Variants in ATM observed in about 807,000 individuals in gnomAD.
ATM encodes serine-protein kinase ATM.
ATM carries 308 observed loss-of-function variants against 387.0 expected under a neutral mutation model. The observed-to-expected ratio is 0.80, with a 90% CI of 0.73 to 0.87. The LOEUF is 0.87. Among genes scored for constraint, ATM ranks in the 40% least tolerant of loss-of-function variants. The pLI is 0.00. For missense variants in ATM, 3,312 were observed against 3,560.9 expected (o/e 0.93, Z 1.78); for synonymous variants, 1,156 against 1,187.3 (o/e 0.97, Z 0.54).
rs876659217 is a variant in ATM at position 108,272,606 on chromosome 11, A to C, written c.3152A>C (p.Glu1051Ala). The change falls in exon 21 of 63, where the codon GAG becomes GCG. Residue 1051 changes from glutamate (E) to alanine (A), a missense_variant and splice_region_variant. Physicochemically the swap from Glu to Ala is moderately radical, Grantham distance 107 (BLOSUM62 -1). Transcript: ENST00000675843. Reference sequence around the variant, plus strand: ...GTAAATTGCCTTAAAACTTTGCTTGAGGTGAGTTTTTGCATTTTTTTAGTA... The same window carrying C: ...GTAAATTGCCTTAAAACTTTGCTTGCGGTGAGTTTTTGCATTTTTTTAGTA... ...ALVNCLKTLL[E>A]ADPYSKWAIL... is the part of the protein sequence containing the mutation. The C allele has an allele frequency of 6.2e-7, 1 of 1,613,652 alleles. No homozygotes were observed. Among genetic ancestry groups the C allele is most frequent in the Non-Finnish European group, 8.5e-7 (1 of 1,179,668 alleles).
In ATM at chr11:108,272,512, GA is replaced by G; in HGVS notation, c.3078-16del. The G allele has an allele frequency of 1.3e-6, 2 of 1,590,958 alleles. No individual in the cohort carries two copies. The highest frequency in any genetic ancestry group is 1.7e-6 in the Non-Finnish European group (2 of 1,159,200). Reference sequence around the variant, plus strand: ...TTATCAGAATGATTATTTAACTTTGGAAAACTTACTTGATTTCAGGCATCTA... The same window carrying G: ...TTATCAGAATGATTATTTAACTTTGGAAACTTACTTGATTTCAGGCATCTA... On this transcript the variant is annotated intron_variant, in intron 20 of 62. Transcript: ENST00000675843.
intron 5 of ATM, among the ~76,000 whole-genome samples, chr11:108,242,591 G>A (rs563782112): frequency 6.6e-5 from 10 of 152,272 alleles, no homozygotes; most frequent in African/African-American, 2.4e-4. Context: ...TGGGCACAGT[G>A]GCTTACACCT....
intron 24 of ATM, among the ~76,000 whole-genome samples, chr11:108,281,631 A>G (rs2082237428): frequency 6.6e-6 from 1 of 152,178 alleles, no homozygotes; most frequent in South Asian, 2.1e-4. Flanking sequence ...CTACATCAGC[A>G]CAGTATTATA....
intron 11 of ATM, 105 bp downstream of exon 11, chr11:108,252,136 A>C: frequency 1.0e-6 from 1 of 997,654 alleles, no homozygotes; most frequent in Non-Finnish European, 1.5e-6. Context: ...ATAATGCAGA[A>C]TTTCCCAGAT....
At chr11:108,333,000 A>G in intron 53 of ATM, 100 bp downstream of exon 53, 1 of 1,429,820 alleles carries the variant, frequency 7.0e-7, no homozygotes, top group Non-Finnish European at 9.6e-7. Context: ...GCTTAAAATC[A>G]CAAACGTAAT....
intron 47 of ATM, among the ~76,000 whole-genome samples, chr11:108,327,127 C>A (rs2085759570): frequency 6.6e-6 from 1 of 152,180 alleles, no homozygotes; most frequent in Non-Finnish European, 1.5e-5. Flanking sequence ...CACGCCCGGC[C>A]TTTACTGTAC....
At chr11:108,283,686 A>G (rs2082343380) in intron 25 of ATM, among the ~76,000 whole-genome samples, 1 of 152,216 alleles carries the variant, frequency 6.6e-6, no homozygotes, top group African/African-American at 2.4e-5. Context: ...GATTCATTCC[A>G]GGATCCCCCA....
intron 7 of ATM, among the ~76,000 whole-genome samples, chr11:108,245,439 A>T (rs1218757076): frequency 1.3e-5 from 2 of 152,326 alleles, no homozygotes; most frequent in Non-Finnish European, 2.9e-5. Flanking sequence ...CAGTCAGATT[A>T]TTCAGCTCCT....
chr11:108,368,719 G>A lies in ATM; in HGVS notation c.*3211G>A, dbSNP rs2091455896. ...CTTGAACAGTTGTGTCCAGATTAAG[G>A]GAGATAATAGCTTTCCCACCCTACT... On this transcript the variant is annotated 3_prime_UTR_variant, in exon 63 of 63. Coordinates refer to ENST00000675843, the MANE Select transcript of ATM (RefSeq NM_000051.4). 4.7e-6 allele frequency: 1 copy of A among 214,894 alleles called. No individual in the cohort carries two copies. The highest frequency in any genetic ancestry group is 9.4e-6 in the Non-Finnish European group (1 of 106,610). The allele number at this position is 214,894 out of a possible 1,614,324, so 13.3% of individuals were successfully genotyped here. A position where few individuals can be genotyped will look rare whatever the true frequency, so the allele number is the denominator to read the frequency against.
chr11:108,229,378 GTT>G (rs11390378), intron 4 of ATM, 55 bp downstream of exon 4: 96 of 1,269,732 alleles, frequency 7.6e-5, no homozygotes, highest in Non-Finnish European at 8.6e-5. Flanking sequence ...TGTCGCGTGA[GTT>G]TTTTTTTTTT....
intron 38 of ATM, chr11:108,308,882 G>T: frequency 1.4e-6 from 1 of 713,492 alleles, no homozygotes; most frequent in Non-Finnish European, 2.4e-6. Context: ...ATCTTCTGAG[G>T]AGGCCTATCA....
rs786203697 is a variant in ATM at position 108,329,088 on chromosome 11, C to A, written c.7157C>A (p.Ala2386Glu). Residue 2386 changes from alanine (A) to glutamate (E), a missense_variant, in exon 49 of 63, where the codon GCA (alanine) becomes GAA (glutamate). This residue lies in a region of ATM where 1,405 missense variants were observed against 1,604.4 expected (regional missense o/e 0.88). Transcript: ENST00000675843. The stretch of plus-strand genomic sequence containing the variant: ...GAGCTAAGAAATGGAAAAATGAAGG[C>A]ATTTCTCTCATTAGCCCGGTTTTCA... ...SDELRNGKMK[A>E]FLSLARFSDT... 6.2e-7 allele frequency: 1 copy of A among 1,613,938 alleles called. No homozygotes were observed. Among genetic ancestry groups the A allele is most frequent in the African/African-American group, 1.3e-5 (1 of 74,894 alleles).
intron 45 of ATM, among the ~76,000 whole-genome samples, chr11:108,322,332 T>C (rs1440412654): frequency 6.6e-6 from 1 of 152,128 alleles, no homozygotes; most frequent in African/African-American, 2.4e-5. Flanking sequence ...TTTTCTACTT[T>C]TAATAGAGAC....
rs984616023 is a variant in ATM, at chr11:108,365,151, C to A, written c.8920C>A (p.Pro2974Thr). Reference protein sequence around the residue: ...PLKALYLQQRPEDETELHPTL... With the variant: ...PLKALYLQQRTEDETELHPTL... The stretch of plus-strand genomic sequence containing the variant: ...GAAAGCTTTGTATTTACAGCAGAGG[C>A]CGGAAGATGAAACTGAGCTTCACCC... The change falls in exon 62 of 63, where the codon CCG becomes ACG. Residue 2974 changes from proline (P) to threonine (T), a missense_variant. By Grantham distance (38) the Pro-to-Thr change is conservative. Transcript: ENST00000675843. The A allele has an allele frequency of 6.2e-7, 1 of 1,614,104 alleles. No individual in the cohort carries two copies. The highest frequency in any genetic ancestry group is 8.5e-7 in the Non-Finnish European group (1 of 1,180,010).
chr11:108,303,099 T>A (rs2135932708), intron 36 of ATM, 70 bp downstream of exon 36: 1 of 1,371,096 alleles, frequency 7.3e-7, no homozygotes, highest in Non-Finnish European at 1.0e-6. Context: ...GCTGTGATAC[T>A]GCACATCATC....
intron 5 of ATM, among the ~76,000 whole-genome samples, chr11:108,241,742 C>CTTTTT (rs1206745957): frequency 1.7e-3 from 79 of 45,350 alleles, no homozygotes; most frequent in Non-Finnish European, 2.0e-3. Context: ...TTCTTTCTTT[C>CTTTTT]TTTTTTTTTT....
chr11:108,355,243 A>C, intron 61 of ATM: 1 of 263,774 alleles, frequency 3.8e-6, no homozygotes, highest in South Asian at 4.5e-5. Context: ...TCAGGTTCAG[A>C]ACTAATTAGT....
In ATM at chr11:108,284,377, C is replaced by G. The variant is rs760491475; in HGVS notation, c.3897C>G (p.Ala1299=). 1 of 1,613,946 alleles carries G rather than the reference C, an allele frequency of 6.2e-7. No individual in the cohort carries two copies. The highest frequency in any genetic ancestry group is 8.5e-7 in the Non-Finnish European group (1 of 1,179,940). The change falls in exon 26 of 63, where the codon GCC becomes GCG. Residue 1299 remains alanine (A), a synonymous_variant. Coordinates refer to ENST00000675843, the MANE Select transcript of ATM (RefSeq NM_000051.4). ...KILVNILPYF[A]YEGTRDSGMA... The stretch of plus-strand genomic sequence containing the variant: ...TTGTAAATATTCTTCCTTATTTTGC[C>G]TATGAGGGTACCAGAGACAGTGGGA...
At position 108,250,841 on chromosome 11, in the gene ATM, T is replaced by G; in HGVS notation, c.1376T>G (p.Leu459Arg). 6.2e-7 allele frequency: 1 copy of G among 1,614,176 alleles called. No homozygotes were observed. The highest frequency in any genetic ancestry group is 8.5e-7 in the Non-Finnish European group (1 of 1,180,038). The stretch of plus-strand genomic sequence containing the variant: ...CGTACACCATATGTGTTACGATGCC[T>G]TACGGAAGTTGCATTGTGTCAAGAC... ...GERTPYVLRC[L>R]TEVALCQDKR... The change falls in exon 10 of 63, where the codon CTT (leucine) becomes CGT (arginine). Residue 459 changes from leucine to arginine, a missense_variant. Leu to Arg is a moderately radical substitution (Grantham distance 102, BLOSUM62 -2). This residue lies in a region of ATM where 1,791 missense variants were observed against 1,804.5 expected (regional missense o/e 0.99). Transcript: ENST00000675843.
Sources: gnomAD v4.1 joint callset for allele counts (sites outside exome capture counted in the v4.1 genomes callset) on GRCh38, gnomAD v4.1.1 for gene constraint, gnomAD v4.1.1 regional missense constraint, MANE v1.5 for transcripts, NCBI Gene and HGNC (gene_info 2026-07-23, HGNC 2026-07-21) for gene names.